Variants in IGSF9 observed in about 807,000 individuals in gnomAD.
The protein encoded by IGSF9 is protein turtle homolog A.
A neutral mutation model predicts 121.7 loss-of-function variants in IGSF9; 87 were observed. That is an observed-to-expected ratio of 0.71 (90% confidence interval 0.60 to 0.85). IGSF9 has a LOEUF of 0.85. IGSF9 is among the 40% of genes least tolerant of loss of function. The probability of loss-of-function intolerance (pLI) is 0.00; values close to 1 mark genes in which losing one functional copy is unlikely to be tolerated. For missense variants in IGSF9, 1,462 were observed against 1,565.3 expected (o/e 0.93, Z 1.11); for synonymous variants, 640 against 648.4 (o/e 0.99, Z 0.20).
At position 159,928,205 on chromosome 1, in the gene IGSF9, G is replaced by A; in HGVS notation, c.3183C>T (p.Gly1061=). The A allele has an allele frequency of 6.2e-7, 1 of 1,612,292 alleles. No individual in the cohort carries two copies. Among genetic ancestry groups the A allele is most frequent in the Non-Finnish European group, 8.5e-7 (1 of 1,179,906 alleles). The change falls in exon 19 of 21, where the codon GGC becomes GGT. Residue 1061 remains glycine, a synonymous_variant. Coordinates refer to ENST00000368094, the MANE Select transcript of IGSF9 (RefSeq NM_001135050.2). ...GCTCCCTTCGGGGCCATCTCTCAGG[G>A]CCACTGGCCCAGCTGCTGGTGTCTC... ...APGDTSSWAS[G]PERWPRREHV...
At chr1:159,945,152 C>T (rs1651541035) in intron 1 of IGSF9, among the ~76,000 whole-genome samples, 1 of 151,904 alleles carries the variant, frequency 6.6e-6, no homozygotes, top group African/African-American at 2.4e-5. Flanking sequence ...TCTCCAATTG[C>T]AGCAGGTCTC....
At chr1:159,929,045 T>A in intron 18 of IGSF9, 27 bp from the exon 19 acceptor site, 1 of 1,510,798 alleles carries the variant, frequency 6.6e-7, no homozygotes. Flanking sequence ...GATCAGGGTC[T>A]GTGGTAGGGG....
intron 17 of IGSF9, 84 bp from the exon 18 acceptor site, chr1:159,929,477 C>T: frequency 1.3e-6 from 2 of 1,544,900 alleles, no homozygotes; most frequent in East Asian, 4.5e-5. Context: ...CACCAGGCGC[C>T]CAACCCCATC....
At chr1:159,934,591 G>A (rs1651121553) in intron 7 of IGSF9, 21 bp from the exon 8 acceptor site, 1 of 1,613,418 alleles carries the variant, frequency 6.2e-7, no homozygotes, top group Non-Finnish European at 8.5e-7. Context: ...GCATGTGTGA[G>A]GAGGGGTCCA....
Position 159,943,118 on chromosome 1 carries a change from C to T in IGSF9, c.92G>A (p.Gly31Asp), listed in dbSNP as rs201988157. 3 of 1,598,710 alleles carry T rather than the reference C, an allele frequency of 1.9e-6. No individual in the cohort carries two copies. Among genetic ancestry groups the T allele is most frequent in the Non-Finnish European group, 1.7e-6 (2 of 1,175,164 alleles). ...RGKPEVVSVV[G>D]RAGESVVLGC... Reference sequence around the variant, plus strand: ...CAGCACCACACTCTCCCCAGCCCGGCCCACCACCGATACCACCTCAGGCTT... The same window carrying T: ...CAGCACCACACTCTCCCCAGCCCGGTCCACCACCGATACCACCTCAGGCTT... The change falls in exon 3 of 21, where the codon GGC becomes GAC. Residue 31 changes from glycine to aspartate, a missense_variant. Around this residue, in one of 3 missense-constraint regions of IGSF9, gnomAD observed 558 missense variants for 599.4 expected, o/e 0.93. Transcript: ENST00000368094.
Position 159,927,744 on chromosome 1 carries a change from CG to C in IGSF9, c.3358+15del. The C allele has an allele frequency of 3.1e-6, 5 of 1,609,608 alleles. No individual in the cohort carries two copies. Among genetic ancestry groups the C allele is most frequent in the East Asian group, 2.2e-5 (1 of 44,808 alleles). On this transcript the variant is annotated intron_variant, in intron 20 of 20. Coordinates refer to ENST00000368094, the MANE Select transcript of IGSF9 (RefSeq NM_001135050.2). ...AGTATGGCCGAGATGCCTGCCTTTC[CG>C]GGGGGCTCACACACCTAGCTCTGGC... is the stretch of plus-strand genomic sequence containing the variant.
chr1:159,936,704 C>A (rs1651199230), intron 5 of IGSF9, 50 bp downstream of exon 5: 1 of 1,598,658 alleles, frequency 6.3e-7, no homozygotes, highest in African/African-American at 1.3e-5. Flanking sequence ...CAGGCCCCCA[C>A]CTTCCCTTCA....
intron 6 of IGSF9, among the ~76,000 whole-genome samples, chr1:159,935,223 C>T (rs1651142645): frequency 1.3e-5 from 2 of 152,290 alleles, no homozygotes; most frequent in Non-Finnish European, 1.5e-5. Flanking sequence ...CAGCCCCTGA[C>T]TCCAGGCTCC....
At chr1:159,937,862 G>A (rs188069092) in intron 3 of IGSF9, 24 bp from the exon 4 acceptor site, 1 of 1,605,434 alleles carries the variant, frequency 6.2e-7, no homozygotes, top group East Asian at 2.2e-5. Context: ...CCTGAATCAA[G>A]GGTGCTGAAG....
intron 3 of IGSF9, among the ~76,000 whole-genome samples, chr1:159,938,944 C>T (rs192265506): frequency 5.3e-5 from 8 of 152,288 alleles, no homozygotes; most frequent in South Asian, 2.1e-4. Context: ...ACTGATCACA[C>T]GTCACCTTCC....
chr1:159,939,799 G>A (rs1651317284), intron 3 of IGSF9, among the ~76,000 whole-genome samples: 1 of 152,116 alleles, frequency 6.6e-6, no homozygotes, highest in African/African-American at 2.4e-5. Flanking sequence ...CTCTAGGATG[G>A]GTGGACCTGC....
intron 9 of IGSF9, chr1:159,933,716 A>G (rs1651082833): frequency 5.5e-6 from 1 of 182,210 alleles, no homozygotes; most frequent in East Asian, 1.7e-4. Flanking sequence ...TCTATCCTCA[A>G]CCACCCTAAG....
chr1:159,940,771 C>T (rs907366665), intron 3 of IGSF9, among the ~76,000 whole-genome samples: 16 of 152,156 alleles, frequency 1.1e-4, no homozygotes, highest in African/African-American at 3.6e-4. Flanking sequence ...AACGAGGTCA[C>T]TGATTTTTAT....
chr1:159,939,154 G>T (rs143999243), intron 3 of IGSF9, among the ~76,000 whole-genome samples: 1 of 152,214 alleles, frequency 6.6e-6, no homozygotes, highest in African/African-American at 2.4e-5. Flanking sequence ...CTACTTGCCA[G>T]TCTCCCTGCC....
At position 159,939,092 on chromosome 1, in the gene IGSF9, C is replaced by G. The variant is rs184325953; in HGVS notation, c.248-1254G>C. Among the ~76,000 whole-genome samples the G allele has an allele frequency of 1.5e-3, 222 of 152,298 alleles. 1 individual carries two copies. The highest frequency in any genetic ancestry group is 4.7e-3 in the African/African-American group (196 of 41,550). ...CCTCCTAAACATTTCCCCTTCTCTG[C>G]TGTCCTCACCTTTACACCTGTGGCA... On this transcript the variant is annotated intron_variant, in intron 3 of 20. Transcript: ENST00000368094.
chr1:159,930,058 G>GGGACGGAAGGGTGAGGTA lies in IGSF9; in HGVS notation c.2065-101_2065-84dup, dbSNP rs1650933840. On this transcript the variant is annotated intron_variant, in intron 15 of 20. Transcript: ENST00000368094. Reference sequence around the variant, plus strand: ...CGGGGCGCGGAAAGACCGTGCACGTGGGACGGAAGGGTGAGGTAGGACGCA... The same window carrying GGGACGGAAGGGTGAGGTA: ...CGGGGCGCGGAAAGACCGTGCACGTGGGACGGAAGGGTGAGGTAGGACGGAAGGGTGAGGTAGGACGCA... The GGGACGGAAGGGTGAGGTA allele has an allele frequency of 3.2e-6, 5 of 1,552,942 alleles. 1 individual carries two copies. In the African/African-American group the frequency reaches 5.4e-5, roughly 17 times the overall value.
intron 3 of IGSF9, among the ~76,000 whole-genome samples, chr1:159,941,251 C>T (rs16842852): frequency 0.12 from 17,877 of 152,196 alleles, 1,986 homozygotes; most frequent in African/African-American, 0.29. Context: ...GCCCAGAGGG[C>T]TTATGACAGA....
intron 3 of IGSF9, among the ~76,000 whole-genome samples, chr1:159,942,663 T>A (rs1373695484): frequency 6.6e-6 from 1 of 152,010 alleles, no homozygotes; most frequent in Non-Finnish European, 1.5e-5. Flanking sequence ...AGAATTAGAA[T>A]GGATATTTGG....
At chr1:159,927,635 A>C in intron 20 of IGSF9, 109 bp from the exon 21 acceptor site, 1 of 1,540,828 alleles carries the variant, frequency 6.5e-7, no homozygotes, top group Non-Finnish European at 8.8e-7. Context: ...CAAGGGGGCA[A>C]GGCACAGTCT....
Sources: allele counts gnomAD v4.1 joint callset (sites outside exome capture counted in the v4.1 genomes callset), GRCh38; gene constraint gnomAD v4.1.1; regional missense constraint gnomAD v4.1.1; transcripts MANE v1.5; gene names NCBI Gene and HGNC (gene_info 2026-07-23, HGNC 2026-07-21).